Variants in CAMK2G observed in about 807,000 individuals in gnomAD.
The protein encoded by CAMK2G is calcium/calmodulin-dependent protein kinase type II subunit gamma.
A neutral mutation model predicts 88.7 loss-of-function variants in CAMK2G; 23 were observed. The ratio of observed to expected loss-of-function variants is 0.26; its 90% CI spans 0.19 to 0.37. The LOEUF is 0.37. CAMK2G is among the 10% of genes least tolerant of loss of function. The pLI is 1.00. For missense variants in CAMK2G, 476 were observed against 780.8 expected, an observed-to-expected ratio of 0.61 and a Z score of 4.65; for synonymous variants, 263 against 294.8, an observed-to-expected ratio of 0.89 and a Z score of 1.11.
intron 2 of CAMK2G, among the ~76,000 whole-genome samples, chr10:73,868,550 T>C (rs2095679107): frequency 6.6e-6 from 1 of 152,192 alleles, no homozygotes; most frequent in African/African-American, 2.4e-5. Flanking sequence ...ATTTCTCTGT[T>C]TACAGAAATT....
In CAMK2G at chr10:73,848,232, C is replaced by T; in HGVS notation, c.602-150G>A. 1.5e-6 allele frequency: 1 copy of T among 652,106 alleles called. No homozygotes were observed. The highest frequency in any genetic ancestry group is 2.8e-6 in the Non-Finnish European group (1 of 359,606). The allele number at this position is 652,106 out of a possible 1,614,324, so 40.4% of individuals were successfully genotyped here. ...CCAGCCGATAATGCTATGCTACCAGCCCCTCCTGCTATGCCTCACACTTCA... is the reference window on the plus strand; with the variant it reads ...CCAGCCGATAATGCTATGCTACCAGTCCCTCCTGCTATGCCTCACACTTCA... On this transcript the variant is annotated intron_variant, in intron 8 of 22. Coordinates refer to ENST00000423381, the MANE Select transcript of CAMK2G (RefSeq NM_001367534.1). The surrounding 1 kb of genome is among the most constrained non-coding windows in gnomAD (Gnocchi z 4.5).
At chr10:73,847,826 G>T (rs1475650132) in intron 9 of CAMK2G, among the ~76,000 whole-genome samples, 162 bp downstream of exon 9, 1 of 152,110 alleles carries the variant, frequency 6.6e-6, no homozygotes, top group Non-Finnish European at 1.5e-5. Context: ...GGGACATAGA[G>T]TGGCAAGAAT....
In CAMK2G at chr10:73,817,514, A is replaced by T; in HGVS notation, c.1404T>A (p.Ile468=). Residue 468 remains isoleucine (I), a synonymous_variant, in exon 20 of 23, where the codon ATT becomes ATA. Coordinates refer to ENST00000423381, the MANE Select transcript of CAMK2G (RefSeq NM_001367534.1). ...QEIIKITEQL[I]EAINNGDFEA... is the part of the protein sequence containing the mutation. ...CAAAGTCCCCATTGTTGATGGCTTC[A>T]ATCAGCTGTTCTGTAATCTTAATGA... 6.2e-7 allele frequency: 1 copy of T among 1,613,584 alleles called. No homozygotes were observed. Among genetic ancestry groups the T allele is most frequent in the Non-Finnish European group, 8.5e-7 (1 of 1,179,462 alleles).
intron 15 of CAMK2G, among the ~76,000 whole-genome samples, chr10:73,827,541 C>G (rs910057449): frequency 2.0e-5 from 3 of 152,156 alleles, no homozygotes; most frequent in Non-Finnish European, 4.4e-5. Context: ...CCCTTGGTGC[C>G]CAGTGTCCCG....
intron 2 of CAMK2G, among the ~76,000 whole-genome samples, chr10:73,867,386 C>T (rs1024949611): frequency 3.9e-5 from 6 of 152,256 alleles, no homozygotes; most frequent in African/African-American, 7.2e-5. Context: ...AAGGGTCAGC[C>T]GTCTGTTCTC....
At position 73,850,659 on chromosome 10, in the gene CAMK2G, A is replaced by G. The variant is rs17673749; in HGVS notation, c.342-1326T>C. Reference sequence around the variant, plus strand: ...CCCCCGTCATCAGGCACTATCTGGTATATTAAGCACATCTGCAGAGCATCC... The same window carrying G: ...CCCCCGTCATCAGGCACTATCTGGTGTATTAAGCACATCTGCAGAGCATCC... On this transcript the variant is annotated intron_variant, in intron 5 of 22. Transcript: ENST00000423381. Among the ~76,000 whole-genome samples the G allele has an allele frequency of 8.6e-3, 1,312 of 152,370 alleles. 12 individuals carry two copies. Among genetic ancestry groups the G allele is most frequent in the Middle Eastern group, 0.024 (7 of 294 alleles).
chr10:73,855,490 C>G (rs559317867), intron 3 of CAMK2G, among the ~76,000 whole-genome samples: 130 of 152,298 alleles, frequency 8.5e-4, no homozygotes, highest in Non-Finnish European at 1.6e-3. Flanking sequence ...GGGCCTGGCA[C>G]TGAGCCCTGC....
At chr10:73,868,131 A>C (rs2095660534) in intron 2 of CAMK2G, among the ~76,000 whole-genome samples, 1 of 152,184 alleles carries the variant, frequency 6.6e-6, no homozygotes, top group Non-Finnish European at 1.5e-5. Flanking sequence ...GCAAGCATAC[A>C]GATGGGAGCA....
At chr10:73,829,452 G>A (rs1200148327) in intron 14 of CAMK2G, among the ~76,000 whole-genome samples, 2 of 151,510 alleles carry the variant, frequency 1.3e-5, no homozygotes, top group African/African-American at 4.8e-5. Flanking sequence ...CCGCCACCAC[G>A]CCCCACTGAT....
At chr10:73,833,911 T>G (rs1361308428) in intron 14 of CAMK2G, among the ~76,000 whole-genome samples, 18 of 78,668 alleles carry the variant, frequency 2.3e-4, no homozygotes, top group African/African-American at 9.3e-4. Context: ...TCTACTGGGT[T>G]TTTTTTTTTT....
intron 19 of CAMK2G, chr10:73,818,135 G>C (rs552034521): frequency 1.0e-4 from 17 of 165,652 alleles, no homozygotes; most frequent in African/African-American, 4.1e-4. Context: ...ACTCCACAGG[G>C]CTTTTCTGGG....
rs375379613 is a variant in CAMK2G, at chr10:73,854,268, C to T, written c.221-1022G>A. Reference sequence around the variant, plus strand: ...GAAGACTCGGGCGATGCACCAGCTGCGAGAAAAAGCTGGCAGGCGGAATCC... The same window carrying T: ...GAAGACTCGGGCGATGCACCAGCTGTGAGAAAAAGCTGGCAGGCGGAATCC... On this transcript the variant is annotated intron_variant, in intron 3 of 22. Coordinates refer to ENST00000423381, the MANE Select transcript of CAMK2G (RefSeq NM_001367534.1). Among the ~76,000 whole-genome samples, 149 of 152,334 alleles carry T rather than the reference C, an allele frequency of 9.8e-4. 1 individual carries two copies. The highest frequency in any genetic ancestry group is 3.4e-3 in the African/African-American group (143 of 41,582).
chr10:73,836,661 G>C (rs1407067872), intron 14 of CAMK2G, among the ~76,000 whole-genome samples: 1 of 152,188 alleles, frequency 6.6e-6, no homozygotes, highest in African/African-American at 2.4e-5. Context: ...CTTGGGAAAA[G>C]GCCCAGTGAA....
chr10:73,853,883 C>G (rs958858598), intron 3 of CAMK2G, among the ~76,000 whole-genome samples: 1 of 152,366 alleles, frequency 6.6e-6, no homozygotes, highest in East Asian at 1.9e-4. Context: ...CTACTATGTG[C>G]TGGACCCCAC....
rs1261486236 is a variant in CAMK2G at position 73,817,081 on chromosome 10, A to G, written c.1476T>C (p.Pro492=). The G allele has an allele frequency of 6.2e-7, 1 of 1,613,912 alleles. No homozygotes were observed. Among genetic ancestry groups the G allele is most frequent in the East Asian group, 2.2e-5 (1 of 44,888 alleles). ...ICDPGLTSFE[P]EALGNLVEGM... ...CCTCCACGAGGTTACCAAGGGCCTC[A>G]GGCTCAAAGGAAGTGAGGCCTGGAT... Residue 492 remains proline (P), a synonymous_variant, in exon 21 of 23, where the codon CCT becomes CCC. Coordinates refer to ENST00000423381, the MANE Select transcript of CAMK2G (RefSeq NM_001367534.1).
In CAMK2G at chr10:73,871,701, G is replaced by C. The variant is rs1382618510; in HGVS notation, c.160+1288C>G. Among the ~76,000 whole-genome samples the C allele has an allele frequency of 3.9e-5, 6 of 151,958 alleles. No individual in the cohort carries two copies. In the South Asian group the frequency reaches 1.0e-3, roughly 26 times the overall value. Reference sequence around the variant, plus strand: ...TCCTCAGACTCAAGGTACCCAGAGAGAAAGAAAACAAACAAGTCCAACTTT... The same window carrying C: ...TCCTCAGACTCAAGGTACCCAGAGACAAAGAAAACAAACAAGTCCAACTTT... On this transcript the variant is annotated intron_variant, in intron 2 of 22. Transcript: ENST00000423381.
Position 73,814,886 on chromosome 10 carries a change from G to C in CAMK2G, c.*12+117C>G. On this transcript the variant is annotated intron_variant, in intron 22 of 22. Transcript: ENST00000423381. ...GCAACCATTCTGCCAGGCTTTGCCA[G>C]TCCTCTGGGACGGCCCACACCTCCT... 5 of 665,006 alleles carry C rather than the reference G, an allele frequency of 7.5e-6. No individual in the cohort carries two copies. In the South Asian group the frequency reaches 9.3e-5, roughly 12 times the overall value. 41.2% of individuals were successfully genotyped at this position (665,006 alleles called of 1,614,324 possible).
intron 2 of CAMK2G, among the ~76,000 whole-genome samples, chr10:73,867,964 G>T (rs1014471737): frequency 6.6e-6 from 1 of 152,136 alleles, no homozygotes; most frequent in Non-Finnish European, 1.5e-5. Context: ...TTTCCCCAGC[G>T]GTCCTGCGGC....
In CAMK2G at chr10:73,874,437, G is replaced by T; in HGVS notation, c.25C>A (p.Arg9Ser). MATTATCT[R>S]FTDDYQLFEE... ...AAGAGCTGGTAGTCGTCGGTGAAAC[G>T]GGTGCAGGTGGCGGTGGTGGCCATG... is the stretch of plus-strand genomic sequence containing the variant. The change falls in exon 1 of 23, where the codon CGT becomes AGT. Residue 9 changes from arginine to serine, a missense_variant. This residue lies in a region of CAMK2G where 34 missense variants were observed against 28.7 expected (regional missense o/e 1.19). Coordinates refer to ENST00000423381, the MANE Select transcript of CAMK2G (RefSeq NM_001367534.1). 6.6e-7 allele frequency: 1 copy of T among 1,521,332 alleles called. No homozygotes were observed. Among genetic ancestry groups the T allele is most frequent in the South Asian group, 1.2e-5 (1 of 82,908 alleles). The allele number at this position is 1,521,332 out of a possible 1,614,324, so 94.2% of individuals were successfully genotyped here.
Sources: gnomAD v4.1 joint callset for allele counts (sites outside exome capture counted in the v4.1 genomes callset) on GRCh38, gnomAD v4.1.1 for gene constraint, gnomAD v4.1.1 regional missense constraint, Gnocchi (gnomAD v3.1) non-coding constraint, MANE v1.5 for transcripts, NCBI Gene and HGNC (gene_info 2026-07-23, HGNC 2026-07-21) for gene names.